Variants in DNAL1 observed in about 807,000 individuals in gnomAD.
The protein encoded by DNAL1 is dynein axonemal light chain 1.
Under a neutral mutation model 29.4 loss-of-function variants are expected in DNAL1, and 17 were observed. The ratio of observed to expected loss-of-function variants is 0.58; its 90% CI spans 0.40 to 0.87. The LOEUF is 0.87. Ranked by LOEUF, DNAL1 falls within the 40% of genes least tolerant of loss-of-function variation. The pLI, the probability that DNAL1 is intolerant of heterozygous loss-of-function variation, is 0.00. For synonymous variants in DNAL1, 78 were observed against 76.3 expected (o/e 1.02, Z -0.12); for missense variants, 188 against 214.1 (o/e 0.88, Z 0.76).
rs1376981119 is a variant in DNAL1 at position 73,658,895 on chromosome 14, T to C, written c.91T>C (p.Tyr31His). 1 of 1,600,796 alleles carries C rather than the reference T, an allele frequency of 6.2e-7. No individual in the cohort carries two copies. Among genetic ancestry groups the C allele is most frequent in the African/African-American group, 1.3e-5 (1 of 74,508 alleles). ...ATCTGAAGCCAAAGAGATAAAACTT[T>C]ATGCCCAGATTCCCCCTATAGAGAA... ...RPSEAKEIKL[Y>H]AQIPPIEKMD... is the part of the protein sequence containing the mutation. The change falls in exon 3 of 8, where the codon TAT (tyrosine) becomes CAT (histidine). Residue 31 changes from tyrosine to histidine, a missense_variant. Coordinates refer to ENST00000553645, the MANE Select transcript of DNAL1 (RefSeq NM_031427.4).
chr14:73,685,022 G>T (rs978768747), intron 5 of DNAL1, among the ~76,000 whole-genome samples: 2 of 152,130 alleles, frequency 1.3e-5, no homozygotes, highest in African/African-American at 4.8e-5. Context: ...ACTTACAATG[G>T]TTTGTTGACC....
At chr14:73,653,676 T>A (rs929567167) in intron 1 of DNAL1, among the ~76,000 whole-genome samples, 5 of 152,166 alleles carry the variant, frequency 3.3e-5, no homozygotes, top group African/African-American at 9.7e-5. Flanking sequence ...GTTTTAAATT[T>A]AGGCCCAGTT....
At position 73,701,767 on chromosome 14, in the gene DNAL1, C is replaced by T. The variant is rs1382232402; in HGVS notation, c.*5825C>T. On this transcript the variant is annotated 3_prime_UTR_variant, in exon 8 of 8. Transcript: ENST00000553645. ...AATCTTTGGCTTCTAGAACCAACTC[C>T]ATTCTGAAGAACATTTTAACATCTA... 6.6e-6 allele frequency: 1 copy of T among 152,134 alleles called. No homozygotes were observed. The highest frequency in any genetic ancestry group is 2.4e-5 in the African/African-American group (1 of 41,434). 9.4% of individuals were successfully genotyped at this position (152,134 alleles called of 1,614,324 possible).
At chr14:73,645,649 T>C (rs1222508561) in intron 1 of DNAL1, among the ~76,000 whole-genome samples, 1 of 152,200 alleles carries the variant, frequency 6.6e-6, no homozygotes, top group Non-Finnish European at 1.5e-5. Context: ...GTTTCAGGAA[T>C]GTGCATTTCG....
chr14:73,668,122 A>G (rs1019579690), intron 4 of DNAL1, among the ~76,000 whole-genome samples: 5 of 152,156 alleles, frequency 3.3e-5, no homozygotes, highest in Admixed American at 6.5e-5. Context: ...GTCTTTCCCT[A>G]ACATCATCTC....
chr14:73,700,517 G>A lies in DNAL1; in HGVS notation c.*4575G>A, dbSNP rs997140733. 7.2e-5 allele frequency: 11 copies of A among 152,222 alleles called. No homozygotes were observed. The highest frequency in any genetic ancestry group is 1.3e-4 in the Non-Finnish European group (9 of 68,030). The allele number at this position is 152,222 out of a possible 1,614,324, so 9.4% of individuals were successfully genotyped here. ...TGAGAATTGGTGATGTGTAAAGAGA[G>A]TTGGAATCTTCTACCTGGGTTTTTC... is the stretch of plus-strand genomic sequence containing the variant. On this transcript the variant is annotated 3_prime_UTR_variant, in exon 8 of 8. Coordinates refer to ENST00000553645, the MANE Select transcript of DNAL1 (RefSeq NM_031427.4).
chr14:73,659,971 G>C (rs1046077154), intron 3 of DNAL1, among the ~76,000 whole-genome samples: 3 of 152,138 alleles, frequency 2.0e-5, no homozygotes, highest in African/African-American at 4.8e-5. Flanking sequence ...TTGTCACCCA[G>C]GCTGCAGTGC....
chr14:73,655,478 G>A (rs1263682491), intron 2 of DNAL1, among the ~76,000 whole-genome samples: 1 of 151,158 alleles, frequency 6.6e-6, no homozygotes, highest in Non-Finnish European at 1.5e-5. Context: ...CCGAGTAGCT[G>A]GATTACAGGC....
Position 73,679,007 on chromosome 14 carries a change from A to T in DNAL1, c.264+7410A>T, listed in dbSNP as rs141733583. 8.2e-3 allele frequency among the ~76,000 whole-genome samples: 1,241 copies of T among 152,042 alleles called. 23 individuals carry two copies. Among genetic ancestry groups the T allele is most frequent in the African/African-American group, 0.028 (1,162 of 41,498 alleles). Reference sequence around the variant, plus strand: ...CTTTTCTATTTTTATTTATTTATTTATTTTTTTGAGACGGAGTCTCGCTGC... The same window carrying T: ...CTTTTCTATTTTTATTTATTTATTTTTTTTTTTGAGACGGAGTCTCGCTGC... On this transcript the variant is annotated intron_variant, in intron 5 of 7. Coordinates refer to ENST00000553645, the MANE Select transcript of DNAL1 (RefSeq NM_031427.4).
intron 1 of DNAL1, chr14:73,651,469 A>G (rs1389247936): frequency 1.3e-5 from 2 of 152,236 alleles, no homozygotes; most frequent in African/African-American, 4.8e-5. Context: ...ACTCAATTGT[A>G]AAAGTGTCTA....
chr14:73,673,441 A>G (rs915921499), intron 5 of DNAL1, among the ~76,000 whole-genome samples: 4 of 152,212 alleles, frequency 2.6e-5, no homozygotes, highest in African/African-American at 9.6e-5. Flanking sequence ...GATTAAAGGT[A>G]TGTATTGTGT....
At chr14:73,693,963 T>C (rs1277749153) in intron 7 of DNAL1, among the ~76,000 whole-genome samples, 1 of 152,044 alleles carries the variant, frequency 6.6e-6, no homozygotes, top group African/African-American at 2.4e-5. Context: ...AAACAAATGC[T>C]CAGGAGTGTA....
intron 6 of DNAL1, among the ~76,000 whole-genome samples, chr14:73,687,600 C>T (rs989715872): frequency 6.6e-6 from 1 of 152,174 alleles, no homozygotes; most frequent in African/African-American, 2.4e-5. Context: ...GGACCGGGCG[C>T]GGTGGCTCAC....
At chr14:73,688,824 A>T (rs1016069910) in intron 6 of DNAL1, among the ~76,000 whole-genome samples, 3 of 152,070 alleles carry the variant, frequency 2.0e-5, no homozygotes, top group Admixed American at 6.6e-5. Flanking sequence ...GTCTTATTTC[A>T]TCCTTATGCT....
intron 5 of DNAL1, among the ~76,000 whole-genome samples, chr14:73,681,647 T>C (rs1891890909): frequency 8.0e-6 from 1 of 124,228 alleles, no homozygotes; most frequent in Non-Finnish European, 1.6e-5. Context: ...TATATATATA[T>C]ATATATATTA....
chr14:73,691,516 TCCAG>T (rs1350738099), intron 7 of DNAL1, among the ~76,000 whole-genome samples: 4 of 151,916 alleles, frequency 2.6e-5, no homozygotes, highest in African/African-American at 7.2e-5. Flanking sequence ...GCCACTGCAC[TCCAG>T]CCTGGGCAAC....
intron 5 of DNAL1, among the ~76,000 whole-genome samples, chr14:73,679,571 G>A (rs1891826774): frequency 6.6e-6 from 1 of 152,184 alleles, no homozygotes; most frequent in Non-Finnish European, 1.5e-5. Flanking sequence ...GAAGACTTAA[G>A]TCATGTTAGT....
intron 2 of DNAL1, among the ~76,000 whole-genome samples, chr14:73,658,322 G>A (rs1412458624): frequency 6.6e-6 from 1 of 152,120 alleles, no homozygotes; most frequent in East Asian, 1.9e-4. Context: ...AATATATCTT[G>A]AAATCAGGTA....
intron 2 of DNAL1, 34 bp from the exon 3 acceptor site, chr14:73,658,811 CAT>C: frequency 6.6e-7 from 1 of 1,518,902 alleles, no homozygotes; most frequent in Non-Finnish European, 9.0e-7. Context: ...ACATTGCAAT[CAT>C]GGGTTATTTC....
Sources: gnomAD v4.1 joint callset for allele counts (sites outside exome capture counted in the v4.1 genomes callset) on GRCh38, gnomAD v4.1.1 for gene constraint, MANE v1.5 for transcripts, NCBI Gene and HGNC (gene_info 2026-07-23, HGNC 2026-07-21) for gene names.